ADAMTS17: variants seen among roughly 807,000 people sequenced by gnomAD.
ADAMTS17 encodes the protein A disintegrin and metalloproteinase with thrombospondin motifs 17.
A neutral mutation model predicts 141.5 loss-of-function variants in ADAMTS17; 113 were observed. That is an observed-to-expected ratio of 0.80 (90% CI 0.69 to 0.93). ADAMTS17 has a LOEUF of 0.93. Ranked by LOEUF, ADAMTS17 falls within the 40% of genes least tolerant of loss-of-function variation. ADAMTS17 has a pLI of 0.00. For missense variants in ADAMTS17, 1,659 were observed against 1,517.9 expected, an observed-to-expected ratio of 1.09 and a Z score of -1.54; for synonymous variants, 768 against 630.6, an observed-to-expected ratio of 1.22 and a Z score of -3.27.
At chr15:100,247,907 C>T (rs796754712) in intron 7 of ADAMTS17, among the ~76,000 whole-genome samples, 11 of 152,086 alleles carry the variant, frequency 7.2e-5, no homozygotes, top group Admixed American at 2.0e-4. Flanking sequence ...CCTCCACCCA[C>T]ACGCTCTTCC....
At chr15:100,330,790 G>GT in intron 3 of ADAMTS17, 99 bp downstream of exon 3, 1 of 1,471,994 alleles carries the variant, frequency 6.8e-7, no homozygotes. Context: ...ATAGGGGAAG[G>GT]TAAGTTCTCA....
At chr15:99,988,485 T>C (rs1367540608) in intron 20 of ADAMTS17, among the ~76,000 whole-genome samples, 1 of 152,164 alleles carries the variant, frequency 6.6e-6, no homozygotes, top group Non-Finnish European at 1.5e-5. Context: ...ATAAACCTCT[T>C]TATCAATGAT....
At chr15:100,237,427 C>T (rs2042692601) in intron 7 of ADAMTS17, among the ~76,000 whole-genome samples, 1 of 148,342 alleles carries the variant, frequency 6.7e-6, no homozygotes, top group South Asian at 2.2e-4. Flanking sequence ...CTGGCACCCT[C>T]CCTAGGAGAT....
intron 8 of ADAMTS17, among the ~76,000 whole-genome samples, chr15:100,185,082 A>T (rs1439369528): frequency 6.6e-6 from 1 of 152,192 alleles, no homozygotes; most frequent in African/African-American, 2.4e-5. Flanking sequence ...TGAAAGCGCT[A>T]CAGTCTGTGG....
intron 8 of ADAMTS17, among the ~76,000 whole-genome samples, chr15:100,176,480 C>T (rs998732667): frequency 6.6e-6 from 1 of 152,196 alleles, no homozygotes; most frequent in African/African-American, 2.4e-5. Context: ...GGCATTTTAT[C>T]TTTTCTCTGT....
At position 100,152,763 on chromosome 15, in the gene ADAMTS17, C is replaced by A; in HGVS notation, c.1323-1G>T. 3 of 1,614,096 alleles carry A rather than the reference C, an allele frequency of 1.9e-6. No homozygotes were observed. The highest frequency in any genetic ancestry group is 2.5e-6 in the Non-Finnish European group (3 of 1,180,040). ...TAGCAAGCAGGTGCTGACTTTTGAC[C>A]TGAAACAGCCGAGAGGCAAGTTGAC... On this transcript the variant is annotated splice_acceptor_variant, in intron 9 of 21. Coordinates refer to ENST00000268070, the MANE Select transcript of ADAMTS17 (RefSeq NM_139057.4). LOFTEE classifies it high-confidence loss of function.
At chr15:100,189,985 C>T (rs979688556) in intron 8 of ADAMTS17, among the ~76,000 whole-genome samples, 1 of 152,180 alleles carries the variant, frequency 6.6e-6, no homozygotes, top group Non-Finnish European at 1.5e-5. Flanking sequence ...CAGTTCAACG[C>T]TGACCAGCCT....
intron 10 of ADAMTS17, among the ~76,000 whole-genome samples, chr15:100,148,781 T>C (rs7165253): frequency 0.014 from 2,103 of 151,326 alleles, 42 homozygotes; most frequent in African/African-American, 0.047. Flanking sequence ...CAGATTGTCA[T>C]CTTAAAGAGG....
At chr15:100,188,973 G>A (rs752595518) in intron 8 of ADAMTS17, among the ~76,000 whole-genome samples, 9 of 152,210 alleles carry the variant, frequency 5.9e-5, no homozygotes, top group Non-Finnish European at 7.3e-5. Flanking sequence ...CTGCAACACT[G>A]AGCATCGGAC....
intron 2 of ADAMTS17, among the ~76,000 whole-genome samples, chr15:100,331,286 C>T (rs980117050): frequency 5.9e-5 from 9 of 152,300 alleles, no homozygotes; most frequent in Middle Eastern, 3.4e-3. Context: ...ACAGATACAA[C>T]AGCATCCATT....
intron 15 of ADAMTS17, among the ~76,000 whole-genome samples, chr15:100,073,719 C>T (rs2034155570): frequency 7.7e-6 from 1 of 129,270 alleles, no homozygotes; most frequent in Admixed American, 1.0e-4. Flanking sequence ...ACAATGAGAA[C>T]ACATGGATAC....
intron 18 of ADAMTS17, among the ~76,000 whole-genome samples, chr15:100,012,309 C>T (rs982257997): frequency 1.5e-4 from 23 of 152,108 alleles, no homozygotes; most frequent in African/African-American, 4.8e-4. Flanking sequence ...ATGTATACAT[C>T]GTGAAGATTT....
In ADAMTS17 at chr15:100,341,866, G is replaced by A; in HGVS notation, c.34C>T (p.Leu12=). 6.4e-7 allele frequency: 1 copy of A among 1,552,878 alleles called. No individual in the cohort carries two copies. The highest frequency in any genetic ancestry group is 8.7e-7 in the Non-Finnish European group (1 of 1,148,228). ...CDGALLPPLV[L]PVLLLLVWGL... is the part of the protein sequence containing the mutation. Reference sequence around the variant, plus strand: ...CAAACCAGCAGCAGCAGCACGGGCAGGACGAGCGGAGGCAGCAGGGCGCCG... The same window carrying A: ...CAAACCAGCAGCAGCAGCACGGGCAAGACGAGCGGAGGCAGCAGGGCGCCG... Residue 12 remains leucine, a synonymous_variant, in exon 1 of 22, where the codon CTG becomes TTG. Coordinates refer to ENST00000268070, the MANE Select transcript of ADAMTS17 (RefSeq NM_139057.4).
rs537584407 is a variant in ADAMTS17, at chr15:99,973,046, T to C, written c.*1356A>G. 1 of 152,210 alleles carries C rather than the reference T, an allele frequency of 6.6e-6. No homozygotes were observed. Among genetic ancestry groups the C allele is most frequent in the African/African-American group, 2.4e-5 (1 of 41,526 alleles). 9.4% of individuals were successfully genotyped at this position (152,210 alleles called of 1,614,324 possible). ...ACCAAGTTGGTGAGCAAAACAGGCC[T>C]CCTGGCATCTAGGGTCCCTGCCCGG... On this transcript the variant is annotated 3_prime_UTR_variant, in exon 22 of 22. Coordinates refer to ENST00000268070, the MANE Select transcript of ADAMTS17 (RefSeq NM_139057.4).
intron 15 of ADAMTS17, among the ~76,000 whole-genome samples, chr15:100,061,490 C>G (rs139675577): frequency 2.2e-4 from 33 of 152,320 alleles, no homozygotes; most frequent in African/African-American, 7.9e-4. Flanking sequence ...ATCACAAGAG[C>G]TGGTTCTCCT....
chr15:100,171,217 A>G (rs1208601895), intron 8 of ADAMTS17, among the ~76,000 whole-genome samples: 1 of 152,168 alleles, frequency 6.6e-6, no homozygotes, highest in Non-Finnish European at 1.5e-5. Flanking sequence ...GATGGGACAG[A>G]TGCTCTGGGC....
chr15:99,996,012 G>C (rs1420072188), intron 19 of ADAMTS17, among the ~76,000 whole-genome samples: 1 of 151,740 alleles, frequency 6.6e-6, no homozygotes, highest in Non-Finnish European at 1.5e-5. Context: ...GTCAGACTTG[G>C]TGGGGAAGCA....
At chr15:100,093,738 C>T (rs2035602844) in intron 15 of ADAMTS17, among the ~76,000 whole-genome samples, 1 of 152,190 alleles carries the variant, frequency 6.6e-6, no homozygotes. Flanking sequence ...TGCTGGGCTG[C>T]CTCCACCTCA....
chr15:100,272,494 G>A (rs1343607671), intron 4 of ADAMTS17, among the ~76,000 whole-genome samples: 1 of 150,456 alleles, frequency 6.6e-6, no homozygotes, highest in Non-Finnish European at 1.5e-5. Context: ...TCAGATTATT[G>A]TTAGCATATA....
Sources: gnomAD v4.1 joint callset for allele counts (sites outside exome capture counted in the v4.1 genomes callset) on GRCh38, gnomAD v4.1.1 for gene constraint, MANE v1.5 for transcripts, NCBI Gene and HGNC (gene_info 2026-07-23, HGNC 2026-07-21) for gene names.